The following IGF1R variants were observed in gnomAD, a reference collection of about 807,000 sequenced individuals.
IGF1R encodes insulin like growth factor 1 receptor, also known as insulin-like growth factor 1 receptor.
In IGF1R, 44 loss-of-function variants were observed where a neutral mutation model predicts 144.6. The ratio of observed to expected loss-of-function variants is 0.30; its 90% CI spans 0.24 to 0.39. The LOEUF (loss-of-function observed/expected upper bound fraction) is 0.39. IGF1R is among the 10% of genes least tolerant of loss of function. The pLI, the probability that IGF1R is intolerant of heterozygous loss-of-function variation, is 1.00. For synonymous variants in IGF1R, 795 were observed against 722.8 expected (o/e 1.10, Z -1.60); for missense variants, 1,355 against 1,833.7 (o/e 0.74, Z 4.77).
At chr15:98,841,345 A>T (rs1440978538) in intron 2 of IGF1R, among the ~76,000 whole-genome samples, 1 of 152,172 alleles carries the variant, frequency 6.6e-6, no homozygotes, top group African/African-American at 2.4e-5. Flanking sequence ...TAACCTCTCT[A>T]TGCCTCAATG....
At chr15:98,844,935 A>T (rs946008258) in intron 2 of IGF1R, among the ~76,000 whole-genome samples, 1 of 152,206 alleles carries the variant, frequency 6.6e-6, no homozygotes, top group African/African-American at 2.4e-5. Flanking sequence ...AAATATTAGT[A>T]ATTCTACAGC....
At chr15:98,900,024 C>T (rs1214514474) in intron 5 of IGF1R, among the ~76,000 whole-genome samples, 1 of 152,182 alleles carries the variant, frequency 6.6e-6, no homozygotes, top group Non-Finnish European at 1.5e-5. Context: ...CTACTACGCA[C>T]AACTGCTCCA....
intron 2 of IGF1R, among the ~76,000 whole-genome samples, chr15:98,739,121 G>A (rs1239830886): frequency 6.6e-6 from 1 of 152,218 alleles, no homozygotes; most frequent in East Asian, 1.9e-4. Context: ...TGGCTGTGCT[G>A]TGCAGGAGCT....
rs770762007 is a variant in IGF1R, at chr15:98,678,218, A to G, written c.94+28543A>G. Reference sequence around the variant, plus strand: ...CCTCCTCAAATTCCCGTGTTAAACTATTTTTGGTTGCGGTGGGTGGCTGTT... The same window carrying G: ...CCTCCTCAAATTCCCGTGTTAAACTGTTTTTGGTTGCGGTGGGTGGCTGTT... On this transcript the variant is annotated intron_variant, in intron 1 of 20. Transcript: ENST00000650285. Among the ~76,000 whole-genome samples the G allele has an allele frequency of 1.6e-4, 24 of 152,282 alleles. 3 individuals carry two copies. Among genetic ancestry groups the G allele is most frequent in the African/African-American group, 3.6e-4 (15 of 41,558 alleles).
At chr15:98,761,433 C>G (rs565286593) in intron 2 of IGF1R, among the ~76,000 whole-genome samples, 56 of 152,284 alleles carry the variant, frequency 3.7e-4, no homozygotes, top group South Asian at 1.0e-3. Context: ...GCATTCATAC[C>G]AGGCAGGAAA....
At chr15:98,798,515 TAGAG>T (rs1197855716) in intron 2 of IGF1R, among the ~76,000 whole-genome samples, 2 of 151,898 alleles carry the variant, frequency 1.3e-5, no homozygotes, top group South Asian at 2.1e-4. Flanking sequence ...AGGACAGAAG[TAGAG>T]AGACCAGTAG....
chr15:98,763,969 G>C (rs796136454), intron 2 of IGF1R, among the ~76,000 whole-genome samples: 3 of 152,300 alleles, frequency 2.0e-5, no homozygotes, highest in African/African-American at 7.2e-5. Flanking sequence ...GCTGTGCTTT[G>C]TGTGTGGCCA....
chr15:98,896,729 T>C, intron 3 of IGF1R, 28 bp from the exon 4 acceptor site: 7 of 1,612,292 alleles, frequency 4.3e-6, no homozygotes, highest in Non-Finnish European at 5.9e-6. Context: ...TTATGTGTGT[T>C]TTTGATTTTT....
chr15:98,748,051 A>G (rs2054912648), intron 2 of IGF1R, among the ~76,000 whole-genome samples: 1 of 152,180 alleles, frequency 6.6e-6, no homozygotes, highest in African/African-American at 2.4e-5. Flanking sequence ...AAAACTAAAA[A>G]TGCTTCCCTT....
At chr15:98,924,373 T>A in intron 12 of IGF1R, 152 bp from the exon 13 acceptor site, 1 of 828,686 alleles carries the variant, frequency 1.2e-6, no homozygotes, top group Non-Finnish European at 2.1e-6. Flanking sequence ...CTTTTAAGAT[T>A]TGATTTCTTT....
Position 98,960,037 on chromosome 15 carries a change from GT to G in IGF1R, c.*2603del, listed in dbSNP as rs927464823. Reference sequence around the variant, plus strand: ...GATGGGACAGTTCTTGATTTTTTGGGTTTTTTTTCCCCCAAACATTTATCTA... The same window carrying G: ...GATGGGACAGTTCTTGATTTTTTGGGTTTTTTTCCCCCAAACATTTATCTA... On this transcript the variant is annotated 3_prime_UTR_variant, in exon 21 of 21. Coordinates refer to ENST00000650285, the MANE Select transcript of IGF1R (RefSeq NM_000875.5). 1.1e-4 allele frequency: 26 copies of G among 232,920 alleles called. No individual in the cohort carries two copies. The highest frequency in any genetic ancestry group is 4.2e-4 in the East Asian group (7 of 16,558). The allele number at this position is 232,920 out of a possible 1,614,324, so 14.4% of individuals were successfully genotyped here.
At chr15:98,712,975 T>G (rs1596222075) in intron 2 of IGF1R, among the ~76,000 whole-genome samples, 1 of 150,708 alleles carries the variant, frequency 6.6e-6, no homozygotes, top group Non-Finnish European at 1.5e-5. Flanking sequence ...CCCTATAGGA[T>G]AGGCATGTGG....
intron 1 of IGF1R, among the ~76,000 whole-genome samples, chr15:98,702,570 T>C (rs2053762007): frequency 6.6e-6 from 1 of 152,176 alleles, no homozygotes; most frequent in Non-Finnish European, 1.5e-5. Context: ...TCAAGCGATC[T>C]ACCTGCCTTG....
intron 2 of IGF1R, among the ~76,000 whole-genome samples, chr15:98,790,718 C>T (rs914755335): frequency 2.0e-5 from 3 of 152,180 alleles, no homozygotes; most frequent in African/African-American, 7.2e-5. Flanking sequence ...ACAAAATTAA[C>T]GGCATTAGAA....
chr15:98,932,819 C>A (rs1387886232), intron 15 of IGF1R, among the ~76,000 whole-genome samples: 1 of 152,154 alleles, frequency 6.6e-6, no homozygotes, highest in South Asian at 2.1e-4. Context: ...CTATGAAATA[C>A]AAAAATGTGT....
chr15:98,725,140 C>T (rs1317083670), intron 2 of IGF1R, among the ~76,000 whole-genome samples: 1 of 152,170 alleles, frequency 6.6e-6, no homozygotes, highest in East Asian at 1.9e-4. Flanking sequence ...CTCTCAGGGG[C>T]CCTGGATCTA....
In IGF1R at chr15:98,825,499, G is replaced by A. The variant is rs375878024; in HGVS notation, c.641-65826G>A. Among the ~76,000 whole-genome samples, 59 of 152,314 alleles carry A rather than the reference G, an allele frequency of 3.9e-4. 1 individual carries two copies. The East Asian group carries it at 6.6e-3, about 17-fold the overall frequency. The stretch of plus-strand genomic sequence containing the variant: ...AACTAGCATTAACTGCATGAGCTCC[G>A]CCTCCTGTCAGATCAGCAGAGGTCC... On this transcript the variant is annotated intron_variant, in intron 2 of 20. Transcript: ENST00000650285.
intron 17 of IGF1R, among the ~76,000 whole-genome samples, chr15:98,936,659 C>G (rs2016162869): frequency 1.3e-5 from 2 of 150,728 alleles, no homozygotes; most frequent in South Asian, 4.2e-4. Flanking sequence ...ACTTAATCAT[C>G]TCCCAAGTGA....
intron 10 of IGF1R, 114 bp from the exon 11 acceptor site, chr15:98,922,034 C>T: frequency 1.8e-6 from 2 of 1,125,438 alleles, no homozygotes; most frequent in Admixed American, 3.6e-5. Flanking sequence ...CCTAAGGGGG[C>T]TCAATAGCTC....
Sources: allele counts gnomAD v4.1 joint callset (sites outside exome capture counted in the v4.1 genomes callset), GRCh38; gene constraint gnomAD v4.1.1; transcripts MANE v1.5; gene names NCBI Gene and HGNC (gene_info 2026-07-23, HGNC 2026-07-21).